ALPK2: variants seen among roughly 807,000 people sequenced by gnomAD.
ALPK2 encodes alpha-protein kinase 2.
A neutral mutation model predicts 163.1 loss-of-function variants in ALPK2; 127 were observed. The ratio of observed to expected loss-of-function variants is 0.78; its 90% CI spans 0.67 to 0.90. The LOEUF (loss-of-function observed/expected upper bound fraction) is 0.90. ALPK2 is among the 40% of genes least tolerant of loss of function. The pLI, the probability that ALPK2 is intolerant of heterozygous loss-of-function variation, is 0.00. For synonymous variants in ALPK2, 953 were observed against 959.1 expected, an observed-to-expected ratio of 0.99 and a Z score of 0.12; for missense variants, 2,360 against 2,589.6, an observed-to-expected ratio of 0.91 and a Z score of 1.92.
At chr18:58,583,223 T>C (rs1386270458) in intron 3 of ALPK2, among the ~76,000 whole-genome samples, 1 of 152,046 alleles carries the variant, frequency 6.6e-6, no homozygotes, top group African/African-American at 2.4e-5. Flanking sequence ...CAGGTTGGAG[T>C]TGGGTATCTT....
intron 8 of ALPK2, among the ~76,000 whole-genome samples, chr18:58,523,601 G>A (rs377522043): frequency 6.6e-6 from 1 of 152,042 alleles, no homozygotes; most frequent in Non-Finnish European, 1.5e-5. Flanking sequence ...TTTAATGATC[G>A]CCATTCTAAC....
Position 58,537,042 on chromosome 18 carries a change from A to C in ALPK2, c.3145T>G (p.Ser1049Ala). ...AACTGCACTTGGGAAGGAAATTGGG[A>C]AACCTTTTCATGGGATGCACGAGGG... ...RFPRASHEKVSQFPSQVQLDH... is the reference protein window; with the variant it reads ...RFPRASHEKVAQFPSQVQLDH... The change falls in exon 5 of 13, where the codon TCC becomes GCC. Residue 1049 changes from serine to alanine, a missense_variant. Coordinates refer to ENST00000361673, the MANE Select transcript of ALPK2 (RefSeq NM_052947.4). 1 of 1,613,916 alleles carries C rather than the reference A, an allele frequency of 6.2e-7. No homozygotes were observed. Among genetic ancestry groups the C allele is most frequent in the Non-Finnish European group, 8.5e-7 (1 of 1,179,788 alleles).
Position 58,524,073 on chromosome 18 carries a change from G to T in ALPK2, c.5502-11C>A. ...GAGTTGTCCCCTGCACTGCAATGAG[G>T]AATATTCACATTGACACACTTCATC... On this transcript the variant is annotated splice_polypyrimidine_tract_variant and intron_variant, in intron 6 of 12. Coordinates refer to ENST00000361673, the MANE Select transcript of ALPK2 (RefSeq NM_052947.4). The T allele has an allele frequency of 6.2e-7, 1 of 1,606,104 alleles. No homozygotes were observed. The highest frequency in any genetic ancestry group is 2.2e-5 in the East Asian group (1 of 44,634).
At chr18:58,528,932 G>T in intron 6 of ALPK2, 159 bp downstream of exon 6, 1 of 885,732 alleles carries the variant, frequency 1.1e-6, no homozygotes, top group Non-Finnish European at 1.7e-6. Flanking sequence ...CCAGACACTT[G>T]TCTTCCGATA....
At chr18:58,541,714 C>A (rs527922739) in intron 4 of ALPK2, among the ~76,000 whole-genome samples, 2 of 152,328 alleles carry the variant, frequency 1.3e-5, no homozygotes, top group South Asian at 4.1e-4. Flanking sequence ...ACAAACCGTA[C>A]AACTGGCCCG....
At chr18:58,605,996 C>T (rs189077880) in intron 3 of ALPK2, among the ~76,000 whole-genome samples, 1 of 152,338 alleles carries the variant, frequency 6.6e-6, no homozygotes, top group African/African-American at 2.4e-5. Context: ...TAATGGGTAT[C>T]TCAAATGTTA....
intron 4 of ALPK2, among the ~76,000 whole-genome samples, chr18:58,547,895 G>A (rs969387012): frequency 4.6e-5 from 7 of 152,118 alleles, no homozygotes; most frequent in African/African-American, 9.7e-5. Context: ...AAAATGATAA[G>A]GGGAAAAAAT....
chr18:58,500,139 G>A (rs1013730087), intron 11 of ALPK2, among the ~76,000 whole-genome samples: 2 of 151,850 alleles, frequency 1.3e-5, no homozygotes, highest in East Asian at 3.9e-4. Context: ...AGTCTCTTTC[G>A]CAGTTGGTAA....
At chr18:58,610,275 CA>C (rs74183283) in intron 2 of ALPK2, among the ~76,000 whole-genome samples, 1,660 of 61,902 alleles carry the variant, frequency 0.027, 11 homozygotes, top group African/African-American at 0.088. Flanking sequence ...GACCCTGTCT[CA>C]AAAAAAAAAA....
intron 10 of ALPK2, among the ~76,000 whole-genome samples, chr18:58,504,523 C>CT (rs1185673485): frequency 1.3e-5 from 2 of 152,178 alleles, no homozygotes; most frequent in African/African-American, 4.8e-5. Flanking sequence ...TCCTTCCTTC[C>CT]TTTCATCCAT....
At chr18:58,515,444 C>T (rs1200981102) in intron 9 of ALPK2, among the ~76,000 whole-genome samples, 2 of 152,214 alleles carry the variant, frequency 1.3e-5, no homozygotes, top group African/African-American at 2.4e-5. Flanking sequence ...GTGAGATCTG[C>T]CATTGCAAAC....
rs553161524 is a variant in ALPK2, at chr18:58,562,470, A to T, written c.1962+16344T>A. Among the ~76,000 whole-genome samples, 7 of 152,366 alleles carry T rather than the reference A, an allele frequency of 4.6e-5. No homozygotes were observed. The South Asian group carries it at 1.2e-3, about 27-fold the overall frequency. On this transcript the variant is annotated intron_variant, in intron 4 of 12. Coordinates refer to ENST00000361673, the MANE Select transcript of ALPK2 (RefSeq NM_052947.4). The stretch of plus-strand genomic sequence containing the variant: ...CTGAAGTGTCAGTTGGTGTCGTGCC[A>T]TAAGCACAATATCAGCATCATTCAA...
At chr18:58,510,724 C>T (rs1352302444) in intron 10 of ALPK2, among the ~76,000 whole-genome samples, 2 of 152,130 alleles carry the variant, frequency 1.3e-5, no homozygotes, top group African/African-American at 2.4e-5. Flanking sequence ...GTGATTTTTG[C>T]ACATTGATTT....
chr18:58,492,013 G>A (rs1029191467), intron 12 of ALPK2, among the ~76,000 whole-genome samples: 1 of 152,200 alleles, frequency 6.6e-6, no homozygotes, highest in African/African-American at 2.4e-5. Context: ...GGGCTGCAGG[G>A]CCTTCCGTAT....
intron 3 of ALPK2, among the ~76,000 whole-genome samples, chr18:58,581,600 C>G (rs1315963532): frequency 6.6e-6 from 1 of 152,238 alleles, no homozygotes. Context: ...GCCTGACATA[C>G]TTTACTGGGT....
chr18:58,509,453 C>T lies in ALPK2; in HGVS notation c.6030-5305G>A, dbSNP rs1175276850. Among the ~76,000 whole-genome samples, 5 of 152,184 alleles carry T rather than the reference C, an allele frequency of 3.3e-5. No individual in the cohort carries two copies. In the South Asian group the frequency reaches 6.2e-4, roughly 19 times the overall value. On this transcript the variant is annotated intron_variant, in intron 10 of 12. Transcript: ENST00000361673. ...TTCTAGTTCTAGATCCCTGAGGAAT[C>T]GCCACACTGACTTCCACAATGGTTG...
At chr18:58,613,698 C>CAAAAAA (rs1223191157) in intron 1 of ALPK2, among the ~76,000 whole-genome samples, 1 of 57,260 alleles carries the variant, frequency 1.7e-5, no homozygotes, top group African/African-American at 8.3e-5. Context: ...GACTCCATCT[C>CAAAAAA]AAAAAAAAAA....
chr18:58,560,261 A>G (rs1254421995), intron 4 of ALPK2, among the ~76,000 whole-genome samples: 1 of 152,222 alleles, frequency 6.6e-6, no homozygotes, highest in Non-Finnish European at 1.5e-5. Flanking sequence ...GCCTGCTGCC[A>G]TCCATGTAAG....
intron 4 of ALPK2, chr18:58,543,523 G>T: frequency 2.6e-6 from 1 of 390,036 alleles, no homozygotes; most frequent in Non-Finnish European, 3.5e-6. Flanking sequence ...AAGGCTACAA[G>T]GTTGCAGATG....
Sources: gnomAD v4.1 joint callset for allele counts (sites outside exome capture counted in the v4.1 genomes callset) on GRCh38, gnomAD v4.1.1 for gene constraint, MANE v1.5 for transcripts, NCBI Gene and HGNC (gene_info 2026-07-23, HGNC 2026-07-21) for gene names.